The following ABLIM1 variants were observed in gnomAD, a reference collection of about 807,000 sequenced individuals.
ABLIM1 encodes actin binding LIM protein 1, also known as actin-binding LIM protein 1.
ABLIM1 carries 40 observed loss-of-function variants against 107.0 expected under a neutral mutation model. The observed-to-expected ratio is 0.37, with a 90% CI of 0.29 to 0.49. The LOEUF (loss-of-function observed/expected upper bound fraction) is 0.49, where lower values mean the gene tolerates loss of function less well. Among genes scored for constraint, ABLIM1 ranks in the 20% least tolerant of loss-of-function variants. The pLI, the probability that ABLIM1 is intolerant of heterozygous loss-of-function variation, is 0.97. For missense variants in ABLIM1, 857 were observed against 1,008.5 expected (o/e 0.85, Z 2.04); for synonymous variants, 357 against 357.3 (o/e 1.00, Z 0.01).
intron 8 of ABLIM1, among the ~76,000 whole-genome samples, chr10:114,474,669 C>A (rs547949926): frequency 1.3e-5 from 2 of 152,126 alleles, no homozygotes; most frequent in African/African-American, 4.8e-5. Flanking sequence ...CGTGAGCCAC[C>A]GCACTCAGCC....
At chr10:114,552,628 C>T (rs947678332) in intron 4 of ABLIM1, among the ~76,000 whole-genome samples, 9 of 152,164 alleles carry the variant, frequency 5.9e-5, no homozygotes, top group South Asian at 2.1e-4. Context: ...TCTACATAGC[C>T]GCTTCCAAAT....
At chr10:114,519,558 T>C (rs1362057826) in intron 6 of ABLIM1, among the ~76,000 whole-genome samples, 1 of 152,160 alleles carries the variant, frequency 6.6e-6, no homozygotes. Flanking sequence ...CACAGACAGT[T>C]AAATTGCAAA....
At chr10:114,526,885 G>T (rs2064860150) in intron 6 of ABLIM1, 11 of 985,498 alleles carry the variant, frequency 1.1e-5, no homozygotes, top group Non-Finnish European at 1.3e-5. Flanking sequence ...AACCAGCCCC[G>T]TGTGCGGCGG....
chr10:114,646,560 C>T (rs1029897176), intron 1 of ABLIM1, among the ~76,000 whole-genome samples: 16 of 152,270 alleles, frequency 1.1e-4, no homozygotes, highest in African/African-American at 2.4e-4. Flanking sequence ...AACTCTAAAA[C>T]AAGGCAGAAA....
intron 2 of ABLIM1, among the ~76,000 whole-genome samples, chr10:114,591,947 T>C (rs1465792635): frequency 2.0e-5 from 3 of 152,186 alleles, no homozygotes; most frequent in African/African-American, 7.2e-5. Flanking sequence ...AACTTTTGGA[T>C]TGGGGATATT....
At chr10:114,488,308 G>A (rs997385561) in intron 7 of ABLIM1, among the ~76,000 whole-genome samples, 1 of 151,958 alleles carries the variant, frequency 6.6e-6, no homozygotes, top group Non-Finnish European at 1.5e-5. Flanking sequence ...ATCGTGTCTT[G>A]TTATTTTTAA....
intron 1 of ABLIM1, among the ~76,000 whole-genome samples, chr10:114,680,349 C>G (rs2080693164): frequency 6.6e-6 from 1 of 152,218 alleles, no homozygotes; most frequent in Non-Finnish European, 1.5e-5. Context: ...GGTGTCCAAG[C>G]TGCCATCTGA....
At chr10:114,636,398 T>A (rs78426244) in intron 1 of ABLIM1, among the ~76,000 whole-genome samples, 3,476 of 152,290 alleles carry the variant, frequency 0.023, 145 homozygotes, top group African/African-American at 0.073. Flanking sequence ...TCTTTCTAAA[T>A]GGAGTTCAAA....
At chr10:114,772,929 A>G (rs1363013230), upstream of ABLIM1, among the ~76,000 whole-genome samples, 1 of 152,178 alleles carries the variant, frequency 6.6e-6, no homozygotes, top group Non-Finnish European at 1.5e-5. Flanking sequence ...ACAACTATCA[A>G]CTATAGAAAT....
At chr10:114,705,034 T>TC (rs1339606066) in intron 1 of ABLIM1, among the ~76,000 whole-genome samples, 1 of 152,064 alleles carries the variant, frequency 6.6e-6, no homozygotes, top group Non-Finnish European at 1.5e-5. Context: ...AAGTTCAAGT[T>TC]CTTTTTTTTT....
rs562098121 is a variant in ABLIM1, at chr10:114,443,999, A to G, written c.1933+30T>C. 4 of 1,573,782 alleles carry G rather than the reference A, an allele frequency of 2.5e-6. No individual in the cohort carries two copies. In the African/African-American group the frequency reaches 5.5e-5, roughly 22 times the overall value. Reference sequence around the variant, plus strand: ...TTACAAGCAGGTGGCTGGCTCTCGAATCAGGGAAGGTTGGGGGTTTGCTGC... The same window carrying G: ...TTACAAGCAGGTGGCTGGCTCTCGAGTCAGGGAAGGTTGGGGGTTTGCTGC... On this transcript the variant is annotated intron_variant, in intron 17 of 22. Transcript: ENST00000533213.
At chr10:114,740,855 C>A (rs1441811078) in intron 1 of ABLIM1, among the ~76,000 whole-genome samples, 2 of 151,754 alleles carry the variant, frequency 1.3e-5, no homozygotes, top group Non-Finnish European at 2.9e-5. Flanking sequence ...ACTAGCCTAG[C>A]CAACATGGTG....
chr10:114,709,804 G>A (rs1011051286), intron 1 of ABLIM1, among the ~76,000 whole-genome samples: 6 of 152,106 alleles, frequency 3.9e-5, no homozygotes, highest in Non-Finnish European at 7.4e-5. Flanking sequence ...TGATATTTAG[G>A]AATTACCACT....
At chr10:114,540,266 G>A (rs769276235) in intron 6 of ABLIM1, among the ~76,000 whole-genome samples, 3 of 152,158 alleles carry the variant, frequency 2.0e-5, no homozygotes, top group East Asian at 1.9e-4. Flanking sequence ...CCTTAGAGCC[G>A]AAGGGACTCC....
chr10:114,465,806 G>C lies in ABLIM1; in HGVS notation c.1333C>G (p.Arg445Gly), dbSNP rs768481591. The C allele has an allele frequency of 1.2e-6, 2 of 1,614,056 alleles. No homozygotes were observed. Among genetic ancestry groups the C allele is most frequent in the South Asian group, 2.2e-5 (2 of 91,072 alleles). Reference protein sequence around the residue: ...SAEGYQDVRDRMIHRSTSQGS... With the variant: ...SAEGYQDVRDGMIHRSTSQGS... Reference sequence around the variant, plus strand: ...TGGCTCGTGGACCGATGGATCATCCGATCCCGAACATCCTGGTACCCCTGG... The same window carrying C: ...TGGCTCGTGGACCGATGGATCATCCCATCCCGAACATCCTGGTACCCCTGG... Residue 445 changes from arginine to glycine, a missense_variant, in exon 12 of 23, where the codon CGG becomes GGG. By Grantham distance (125) the Arg-to-Gly change is moderately radical. Transcript: ENST00000533213.
intron 6 of ABLIM1, among the ~76,000 whole-genome samples, chr10:114,509,727 T>A (rs756425509): frequency 6.6e-6 from 1 of 152,198 alleles, no homozygotes. Context: ...CACACCCTCA[T>A]CCATGCCTTG....
the ABLIM1 span, among the ~76,000 whole-genome samples, chr10:114,798,100 A>G: frequency 1.3e-5 from 2 of 152,230 alleles, no homozygotes; most frequent in African/African-American, 4.8e-5. Flanking sequence ...AAGTGCAACT[A>G]ATTTGCCTTA....
chr10:114,661,729 A>T (rs1010977548), upstream of ABLIM1, among the ~76,000 whole-genome samples: 1 of 152,212 alleles, frequency 6.6e-6, no homozygotes, highest in African/African-American at 2.4e-5. Flanking sequence ...TGGCCTGTGT[A>T]TCTTATCAGA....
At chr10:114,681,732 G>C (rs553064254) in intron 1 of ABLIM1, among the ~76,000 whole-genome samples, 8 of 152,352 alleles carry the variant, frequency 5.3e-5, no homozygotes, top group African/African-American at 1.9e-4. Flanking sequence ...CCCTGGTGTG[G>C]TCACAAGCCT....
Sources: gnomAD v4.1 joint callset for allele counts (sites outside exome capture counted in the v4.1 genomes callset) on GRCh38, gnomAD v4.1.1 for gene constraint, MANE v1.5 for transcripts, NCBI Gene and HGNC (gene_info 2026-07-23, HGNC 2026-07-21) for gene names.